The following ADAMTSL1 variants were observed in gnomAD, a reference collection of about 807,000 sequenced individuals.
ADAMTSL1 encodes ADAMTS-like protein 1.
Under a neutral mutation model 201.8 loss-of-function variants are expected in ADAMTSL1, and 126 were observed. That is an observed-to-expected ratio of 0.62 (90% CI 0.54 to 0.72). ADAMTSL1 has a LOEUF of 0.72. Among genes scored for constraint, ADAMTSL1 ranks in the 30% least tolerant of loss-of-function variants. ADAMTSL1 has a pLI of 0.00. For missense variants in ADAMTSL1, 2,679 were observed against 2,277.8 expected, an observed-to-expected ratio of 1.18 and a Z score of -3.59; for synonymous variants, 1,121 against 903.4, an observed-to-expected ratio of 1.24 and a Z score of -4.32.
chr9:18,895,277 A>C (rs111420338), intron 26 of ADAMTSL1, among the ~76,000 whole-genome samples: 10 of 152,220 alleles, frequency 6.6e-5, no homozygotes, highest in African/African-American at 2.4e-4. Flanking sequence ...TAGAAGCATC[A>C]AAAAAACAAC....
intron 1 of ADAMTSL1, among the ~76,000 whole-genome samples, chr9:18,121,874 A>C (rs2131923004): frequency 6.6e-6 from 1 of 152,246 alleles, no homozygotes; most frequent in Non-Finnish European, 1.5e-5. Flanking sequence ...AAAACTCTTT[A>C]GAAAATTTTC....
At chr9:18,671,621 G>A (rs1261902775) in intron 9 of ADAMTSL1, among the ~76,000 whole-genome samples, 3 of 152,294 alleles carry the variant, frequency 2.0e-5, no homozygotes, top group African/African-American at 7.2e-5. Flanking sequence ...GAAAAGCCTA[G>A]AGCACATCTA....
intron 1 of ADAMTSL1, among the ~76,000 whole-genome samples, chr9:18,482,088 C>A (rs1043576145): frequency 6.6e-6 from 1 of 152,156 alleles, no homozygotes; most frequent in Non-Finnish European, 1.5e-5. Flanking sequence ...AGAATTATAC[C>A]TAAAGTTCTT....
At chr9:18,434,703 C>T (rs983024212) in intron 2 of ADAMTSL1, among the ~76,000 whole-genome samples, 1 of 152,152 alleles carries the variant, frequency 6.6e-6, no homozygotes, top group African/African-American at 2.4e-5. Context: ...GTCACTCCCA[C>T]CCTGAATTGA....
intron 1 of ADAMTSL1, among the ~76,000 whole-genome samples, chr9:18,095,449 G>A (rs1353466404): frequency 1.7e-5 from 2 of 115,212 alleles, no homozygotes; most frequent in African/African-American, 3.1e-5. Flanking sequence ...TTGACACAGA[G>A]TCTTGCTCTG....
At chr9:18,353,851 A>T (rs1014246980) in intron 2 of ADAMTSL1, among the ~76,000 whole-genome samples, 6 of 152,138 alleles carry the variant, frequency 3.9e-5, no homozygotes, top group Non-Finnish European at 5.9e-5. Flanking sequence ...ATGTCTTCTG[A>T]TTACAAAAGT....
At chr9:18,037,509 A>G (rs1306906687) in intron 1 of ADAMTSL1, among the ~76,000 whole-genome samples, 1 of 152,158 alleles carries the variant, frequency 6.6e-6, no homozygotes, top group Non-Finnish European at 1.5e-5. Flanking sequence ...TCTAAAATAC[A>G]CTTCTTTCTG....
At chr9:18,353,363 G>A (rs944735838) in intron 2 of ADAMTSL1, among the ~76,000 whole-genome samples, 1 of 152,180 alleles carries the variant, frequency 6.6e-6, no homozygotes, top group African/African-American at 2.4e-5. Flanking sequence ...CAAGTGTCTA[G>A]TTCTAGCACA....
At chr9:18,703,827 CT>C (rs897548761) in intron 13 of ADAMTSL1, among the ~76,000 whole-genome samples, 55 of 149,302 alleles carry the variant, frequency 3.7e-4, no homozygotes, top group African/African-American at 1.3e-3. Context: ...ATTTTATGTG[CT>C]TTTGGTATAT....
intron 1 of ADAMTSL1, among the ~76,000 whole-genome samples, chr9:18,028,541 T>C (rs537684428): frequency 2.6e-5 from 4 of 152,230 alleles, no homozygotes; most frequent in Admixed American, 1.3e-4. Flanking sequence ...AACTTTAAGA[T>C]TTTTCTTTTG....
chr9:18,271,847 G>T (rs1000560811), intron 2 of ADAMTSL1, among the ~76,000 whole-genome samples: 1 of 152,098 alleles, frequency 6.6e-6, no homozygotes, highest in African/African-American at 2.4e-5. Flanking sequence ...GTTGTTTCCT[G>T]ACTCTTTAAT....
At chr9:18,850,897 C>T (rs1257682845) in intron 23 of ADAMTSL1, among the ~76,000 whole-genome samples, 1 of 152,198 alleles carries the variant, frequency 6.6e-6, no homozygotes, top group Non-Finnish European at 1.5e-5. Context: ...TATCTGCCCA[C>T]CCAGCTCACA....
intron 3 of ADAMTSL1, among the ~76,000 whole-genome samples, chr9:18,560,305 T>G (rs1821402809): frequency 6.6e-6 from 1 of 152,224 alleles, no homozygotes; most frequent in South Asian, 2.1e-4. Flanking sequence ...TGTGATGGAT[T>G]ACATTTATTG....
chr9:18,188,974 T>G (rs762718329), intron 2 of ADAMTSL1, among the ~76,000 whole-genome samples: 12 of 152,226 alleles, frequency 7.9e-5, no homozygotes, highest in Non-Finnish European at 1.3e-4. Flanking sequence ...TAGGTCACAC[T>G]GTTAGCACCT....
At chr9:18,746,825 A>G (rs1174418571) in intron 15 of ADAMTSL1, among the ~76,000 whole-genome samples, 1 of 152,036 alleles carries the variant, frequency 6.6e-6, no homozygotes, top group African/African-American at 2.4e-5. Flanking sequence ...TACAAACACA[A>G]GCTGCCAAGA....
chr9:18,276,551 C>T (rs1341628162), intron 2 of ADAMTSL1, among the ~76,000 whole-genome samples: 2 of 152,144 alleles, frequency 1.3e-5, no homozygotes, highest in Admixed American at 1.3e-4. Context: ...ATACCTGAGG[C>T]TTGCTAATTT....
At chr9:17,994,244 ACT>A (rs1819282677) in intron 1 of ADAMTSL1, among the ~76,000 whole-genome samples, 1 of 152,048 alleles carries the variant, frequency 6.6e-6, no homozygotes, top group Non-Finnish European at 1.5e-5. Context: ...TGGCTGGATG[ACT>A]CTGTCCATGC....
intron 2 of ADAMTSL1, among the ~76,000 whole-genome samples, chr9:18,173,143 T>A (rs761060700): frequency 6.6e-6 from 1 of 152,178 alleles, no homozygotes; most frequent in Non-Finnish European, 1.5e-5. Context: ...TCAGTGTGCT[T>A]TAATGACTGA....
In ADAMTSL1 at chr9:18,287,648, TAC is replaced by T. The variant is rs1353750161; in HGVS notation, c.207+123669_207+123670del. Among the ~76,000 whole-genome samples the T allele has an allele frequency of 3.3e-3, 340 of 101,954 alleles. 2 individuals carry two copies. The highest frequency in any genetic ancestry group is 9.5e-3 in the African/African-American group (303 of 31,976). The allele number at this position is 101,954 out of a possible 152,430, so 66.9% of individuals were successfully genotyped here. ...ACATATACGCATATATGTATGTGTA[TAC>T]ATATACACATATATGTATGTGTATA... On this transcript the variant is annotated intron_variant, in intron 2 of 29. Coordinates refer to the ADAMTSL1 transcript ENST00000680146.
Sources: allele counts gnomAD v4.1 joint callset (sites outside exome capture counted in the v4.1 genomes callset), GRCh38; gene constraint gnomAD v4.1.1; transcripts MANE v1.5; gene names NCBI Gene and HGNC (gene_info 2026-07-23, HGNC 2026-07-21).